CD40: variants seen among roughly 807,000 people sequenced by gnomAD.
The protein encoded by CD40 is tumor necrosis factor receptor superfamily member 5.
In CD40, 19 loss-of-function variants were observed where a neutral mutation model predicts 38.5. The observed-to-expected ratio is 0.49, with a 90% CI of 0.34 to 0.72. The LOEUF is 0.72. CD40 is among the 30% of genes least tolerant of loss of function. The pLI, the probability that CD40 is intolerant of heterozygous loss-of-function variation, is 0.01. For missense variants in CD40, 256 were observed against 344.1 expected (o/e 0.74, Z 2.03); for synonymous variants, 130 against 128.7 (o/e 1.01, Z -0.07).
chr20:46,129,360 G>A lies in CD40; in HGVS notation c.*320G>A. ...ACCAGACCTTCCGATCCAGCAGTTT[G>A]GTGCCCAGAGAGGCATCATGGTGGC... On this transcript the variant is annotated 3_prime_UTR_variant, in exon 9 of 9. Transcript: ENST00000372285. 2.6e-6 allele frequency: 1 copy of A among 381,336 alleles called. No individual in the cohort carries two copies. The highest frequency in any genetic ancestry group is 6.2e-5 in the East Asian group (1 of 16,070). 23.6% of individuals were successfully genotyped at this position (381,336 alleles called of 1,614,324 possible). A position where few individuals can be genotyped will look rare whatever the true frequency, so the allele number is the denominator to read the frequency against.
Position 46,122,902 on chromosome 20 carries a change from G to A in CD40, c.403+146G>A. On this transcript the variant is annotated intron_variant, in intron 4 of 8. Transcript: ENST00000372285. This position sits in a 1 kb window ranked among gnomAD's most constrained non-coding sequence, Gnocchi z 5.0. The stretch of plus-strand genomic sequence containing the variant: ...GTCGGTATCCCCACTGGAGTGAGCT[G>A]CAGACGGGACCTTGTTCATTCTGCC... 2.8e-6 allele frequency: 3 copies of A among 1,072,588 alleles called. No individual in the cohort carries two copies. The highest frequency in any genetic ancestry group is 4.1e-6 in the Non-Finnish European group (3 of 733,228). 66.4% of individuals were successfully genotyped at this position (1,072,588 alleles called of 1,614,324 possible). A position where few individuals can be genotyped will look rare whatever the true frequency, so the allele number is the denominator to read the frequency against.
chr20:46,126,967 G>T (rs2085449670), intron 6 of CD40: 1 of 536,708 alleles, frequency 1.9e-6, no homozygotes, highest in African/African-American at 1.9e-5. Context: ...CTACAGTAAA[G>T]ATCAGATAAT....
chr20:46,120,884 G>A (rs370536361), intron 1 of CD40, among the ~76,000 whole-genome samples: 1 of 152,130 alleles, frequency 6.6e-6, no homozygotes, highest in African/African-American at 2.4e-5. Context: ...GGCCAACATG[G>A]TGAAACCCTG....
intron 5 of CD40, among the ~76,000 whole-genome samples, chr20:46,125,062 C>T (rs1050915429): frequency 3.3e-5 from 5 of 151,550 alleles, no homozygotes; most frequent in African/African-American, 1.2e-4. Flanking sequence ...CCACCGTGCC[C>T]GGCCACCAGT....
Position 46,128,233 on chromosome 20 carries a change from T to C in CD40, c.646+9T>C. The C allele has an allele frequency of 6.2e-7, 1 of 1,609,438 alleles. No individual in the cohort carries two copies. Reference sequence around the variant, plus strand: ...GGTGCTGGTCTTTATCAGTGAGTCCTCAGGTGGGGAGGTGTTGGGGGAGGG... The same window carrying C: ...GGTGCTGGTCTTTATCAGTGAGTCCCCAGGTGGGGAGGTGTTGGGGGAGGG... On this transcript the variant is annotated intron_variant, in intron 7 of 8. Transcript: ENST00000372285.
At chr20:46,123,276 A>G (rs2085355636) in intron 5 of CD40, 57 bp downstream of exon 5, 1 of 1,278,722 alleles carries the variant, frequency 7.8e-7, no homozygotes, top group South Asian at 1.2e-5. Context: ...AGCTGCCTCC[A>G]TTCTCTCCAG....
rs1317026691 is a variant in CD40, at chr20:46,122,552, G to A, written c.257-58G>A. ...AGAAAGAGCAGGCAATGTGGGGAGT[G>A]AGGCTCAGAGCATGGCCCAGCAGGG... On this transcript the variant is annotated intron_variant, in intron 3 of 8. Coordinates refer to ENST00000372285, the MANE Select transcript of CD40 (RefSeq NM_001250.6). This position sits in a 1 kb window ranked among gnomAD's most constrained non-coding sequence, Gnocchi z 5.0. 3 of 1,611,122 alleles carry A rather than the reference G, an allele frequency of 1.9e-6. No individual in the cohort carries two copies. Among genetic ancestry groups the A allele is most frequent in the Non-Finnish European group, 2.5e-6 (3 of 1,177,510 alleles).
chr20:46,123,514 C>T (rs1221127815), intron 5 of CD40, among the ~76,000 whole-genome samples: 1 of 152,192 alleles, frequency 6.6e-6, no homozygotes, highest in African/African-American at 2.4e-5. Flanking sequence ...TGCTTCTCCT[C>T]AGTTTTCCTC....
rs754006524 is a variant in CD40, at chr20:46,122,735, G to A, written c.382G>A (p.Gly128Ser). Reference sequence around the variant, plus strand: ...TGTCCTGCACCGCTCATGCTCGCCCGGCTTTGGGGTCAAGCAGATTGGTAA... The same window carrying A: ...TGTCCTGCACCGCTCATGCTCGCCCAGCTTTGGGGTCAAGCAGATTGGTAA... ...SCVLHRSCSP[G>S]FGVKQIATGV... The change falls in exon 4 of 9, where the codon GGC becomes AGC. Residue 128 changes from glycine to serine, a missense_variant. By Grantham distance (56) the Gly-to-Ser change is moderately conservative. Transcript: ENST00000372285. The surrounding 1 kb of genome is among the most constrained non-coding windows in gnomAD (Gnocchi z 5.0). The A allele has an allele frequency of 3.7e-6, 6 of 1,614,144 alleles. No homozygotes were observed. Among genetic ancestry groups the A allele is most frequent in the South Asian group, 2.2e-5 (2 of 91,082 alleles).
chr20:46,128,196 T>C lies in CD40; in HGVS notation c.618T>C (p.Phe206=). The C allele has an allele frequency of 6.2e-7, 1 of 1,613,702 alleles. No individual in the cohort carries two copies. The highest frequency in any genetic ancestry group is 8.5e-7 in the Non-Finnish European group (1 of 1,179,898). The change falls in exon 7 of 9, where the codon TTT becomes TTC. Residue 206 remains phenylalanine, a synonymous_variant. Transcript: ENST00000372285. The stretch of plus-strand genomic sequence containing the variant: ...TCCCCATCATCTTCGGGATCCTGTT[T>C]GCCATCCTCTTGGTGCTGGTCTTTA... ...VVIPIIFGIL[F]AILLVLVFIK... is the part of the protein sequence containing the mutation.
intron 6 of CD40, chr20:46,126,960 C>G: frequency 3.7e-6 from 2 of 544,228 alleles, no homozygotes; most frequent in Admixed American, 3.1e-5. Context: ...GGTTGGCCTA[C>G]AGTAAAGATC....
intron 6 of CD40, 195 bp downstream of exon 6, chr20:46,126,896 T>A: frequency 2.4e-6 from 2 of 840,560 alleles, no homozygotes; most frequent in Non-Finnish European, 3.7e-6. Context: ...TCTTCATCTG[T>A]AAAATGGGAT....
At chr20:46,128,061 T>G (rs2085470909) in intron 6 of CD40, 77 bp from the exon 7 acceptor site, 1 of 1,612,692 alleles carries the variant, frequency 6.2e-7, no homozygotes, top group Admixed American at 1.7e-5. Flanking sequence ...GATTCTGGAG[T>G]CTGACAAGTC....
chr20:46,121,155 A>G (rs549420126), intron 1 of CD40, among the ~76,000 whole-genome samples: 4 of 152,352 alleles, frequency 2.6e-5, no homozygotes, highest in South Asian at 2.1e-4. Context: ...GATGAAACAC[A>G]AGTTGATGGA....
At chr20:46,126,494 G>A in intron 5 of CD40, 146 bp from the exon 6 acceptor site, 1 of 827,196 alleles carries the variant, frequency 1.2e-6, no homozygotes, top group Non-Finnish European at 2.0e-6. Flanking sequence ...ACCAGCATAG[G>A]ACGTTGCACG....
chr20:46,120,859 GT>G (rs1450783714), intron 1 of CD40, among the ~76,000 whole-genome samples: 2 of 152,214 alleles, frequency 1.3e-5, no homozygotes, highest in Non-Finnish European at 2.9e-5. Flanking sequence ...GAGGTCAGGA[GT>G]TTTAGATCAG....
At chr20:46,124,692 T>C (rs532646408) in intron 5 of CD40, among the ~76,000 whole-genome samples, 1 of 150,046 alleles carries the variant, frequency 6.7e-6, no homozygotes, top group South Asian at 2.1e-4. Context: ...TGACGCATGG[T>C]AGGTGCTTAA....
chr20:46,122,020 T>C lies in CD40; in HGVS notation c.130+122T>C. 3.8e-6 allele frequency: 4 copies of C among 1,041,126 alleles called. No individual in the cohort carries two copies. The South Asian group carries it at 3.9e-5, about 10-fold the overall frequency. The allele number at this position is 1,041,126 out of a possible 1,614,324, so 64.5% of individuals were successfully genotyped here. On this transcript the variant is annotated intron_variant, in intron 2 of 8. Transcript: ENST00000372285. This position sits in a 1 kb window ranked among gnomAD's most constrained non-coding sequence, Gnocchi z 5.0. ...GACCCATTTCCCAGCCCTGCTTCAC[T>C]GTCAGAATGTTCTGGTTCCCTCTCT...
In CD40 at chr20:46,122,935, A is replaced by G; in HGVS notation, c.403+179A>G. ...GACCTTGTTCATTCTGCCTTCTGCCATGGGGATCTGCCTTTGAAGGGCAAT... is the reference window on the plus strand; with the variant it reads ...GACCTTGTTCATTCTGCCTTCTGCCGTGGGGATCTGCCTTTGAAGGGCAAT... On this transcript the variant is annotated intron_variant, in intron 4 of 8. Coordinates refer to ENST00000372285, the MANE Select transcript of CD40 (RefSeq NM_001250.6). The surrounding 1 kb of genome is among the most constrained non-coding windows in gnomAD (Gnocchi z 5.0). 2.2e-6 allele frequency: 2 copies of G among 927,672 alleles called. No homozygotes were observed. The highest frequency in any genetic ancestry group is 3.0e-5 in the South Asian group (2 of 65,934). 57.5% of individuals were successfully genotyped at this position (927,672 alleles called of 1,614,324 possible). A position where few individuals can be genotyped will look rare whatever the true frequency, so the allele number is the denominator to read the frequency against.
Sources: gnomAD v4.1 joint callset for allele counts (sites outside exome capture counted in the v4.1 genomes callset) on GRCh38, gnomAD v4.1.1 for gene constraint, Gnocchi (gnomAD v3.1) non-coding constraint, MANE v1.5 for transcripts, NCBI Gene and HGNC (gene_info 2026-07-23, HGNC 2026-07-21) for gene names.